The following SNTG2 variants were observed in gnomAD, a reference collection of about 807,000 sequenced individuals.
SNTG2 encodes the protein gamma-2-syntrophin.
A neutral mutation model predicts 70.9 loss-of-function variants in SNTG2; 74 were observed. That is an observed-to-expected ratio of 1.04 (90% CI 0.86 to 1.27). The LOEUF is 1.27. Among genes scored for constraint, SNTG2 ranks in the 50% most tolerant of loss-of-function variants. The probability of loss-of-function intolerance (pLI) is 0.00; values close to 1 mark genes in which losing one functional copy is unlikely to be tolerated. For synonymous variants in SNTG2, 278 were observed against 273.8 expected, an observed-to-expected ratio of 1.02 and a Z score of -0.15; for missense variants, 717 against 690.7, an observed-to-expected ratio of 1.04 and a Z score of -0.43.
intron 6 of SNTG2, among the ~76,000 whole-genome samples, chr2:1,138,144 A>G (rs1160625347): frequency 6.6e-6 from 1 of 152,246 alleles, no homozygotes; most frequent in Non-Finnish European, 1.5e-5. Context: ...TGCTGAGCAC[A>G]GGAGGTGTCA....
chr2:1,148,590 G>A (rs1373912247), intron 6 of SNTG2, among the ~76,000 whole-genome samples: 2 of 152,176 alleles, frequency 1.3e-5, no homozygotes, highest in African/African-American at 2.4e-5. Flanking sequence ...GTGTTACTGT[G>A]TTACCTGACA....
intron 8 of SNTG2, among the ~76,000 whole-genome samples, chr2:1,175,674 G>T (rs1375521085): frequency 1.3e-5 from 2 of 152,086 alleles, no homozygotes; most frequent in Admixed American, 6.6e-5. Context: ...CCATTTGTCT[G>T]CAACACCCTG....
chr2:1,207,436 A>T (rs4436995), intron 8 of SNTG2, among the ~76,000 whole-genome samples: 49,281 of 152,076 alleles, frequency 0.32, 8,535 homozygotes, highest in East Asian at 0.66. Context: ...TTCTGCCTTC[A>T]GACACATCTG....
intron 4 of SNTG2, among the ~76,000 whole-genome samples, chr2:1,131,851 T>C (rs1022701360): frequency 7.9e-5 from 12 of 151,728 alleles, no homozygotes; most frequent in Non-Finnish European, 8.8e-5. Context: ...GGGATTTCAC[T>C]GTGTTAGCCA....
intron 12 of SNTG2, among the ~76,000 whole-genome samples, chr2:1,258,086 A>G (rs573308758): frequency 5.9e-4 from 90 of 152,332 alleles, no homozygotes; most frequent in African/African-American, 2.1e-3. Context: ...GACATTAGGC[A>G]GTAGCATAAA....
rs1186128259 is a variant in SNTG2 at position 1,307,813 on chromosome 2, A to G, written c.1285-681A>G. Among the ~76,000 whole-genome samples, 7 of 152,382 alleles carry G rather than the reference A, an allele frequency of 4.6e-5. No homozygotes were observed. In the East Asian group the frequency reaches 1.4e-3, roughly 29 times the overall value. ...TCACGGGCTCCGCAGCCTGAAGCCCAGAGACCTTCCGGGCAGAGCCCAGGA... is the reference window on the plus strand; with the variant it reads ...TCACGGGCTCCGCAGCCTGAAGCCCGGAGACCTTCCGGGCAGAGCCCAGGA... On this transcript the variant is annotated intron_variant, in intron 14 of 16. Coordinates refer to ENST00000308624, the MANE Select transcript of SNTG2 (RefSeq NM_018968.4).
intron 14 of SNTG2, among the ~76,000 whole-genome samples, chr2:1,295,005 C>T (rs958576018): frequency 2.6e-5 from 4 of 152,346 alleles, no homozygotes; most frequent in Non-Finnish European, 4.4e-5. Context: ...CAGGCTGTCT[C>T]GTTCACTCCC....
intron 2 of SNTG2, among the ~76,000 whole-genome samples, chr2:1,088,976 G>A (rs561337638): frequency 2.0e-5 from 3 of 152,314 alleles, no homozygotes; most frequent in Admixed American, 6.5e-5. Flanking sequence ...ACAAAGTGCT[G>A]GGAAAAGTGC....
chr2:1,049,722 G>A (rs35803570), intron 1 of SNTG2, among the ~76,000 whole-genome samples: 14,579 of 152,218 alleles, frequency 0.096, 774 homozygotes, highest in East Asian at 0.17. Context: ...CTGCCACACT[G>A]TCTTCCAACA....
chr2:1,085,266 T>A (rs1664610187), intron 2 of SNTG2, among the ~76,000 whole-genome samples: 1 of 152,088 alleles, frequency 6.6e-6, no homozygotes, highest in Non-Finnish European at 1.5e-5. Context: ...CTATAGAAAA[T>A]CTCAAAGTAA....
At chr2:1,158,375 A>G (rs548293612) in intron 6 of SNTG2, 1 of 152,354 alleles carries the variant, frequency 6.6e-6, no homozygotes, top group Non-Finnish European at 1.5e-5. Flanking sequence ...AGGATGAATT[A>G]GTGGGATGTG....
At chr2:962,051 T>G (rs1189405266) in intron 1 of SNTG2, among the ~76,000 whole-genome samples, 1 of 152,264 alleles carries the variant, frequency 6.6e-6, no homozygotes, top group African/African-American at 2.4e-5. Flanking sequence ...GGTTCTTCAG[T>G]GAAATGTGGA....
intron 1 of SNTG2, among the ~76,000 whole-genome samples, chr2:1,017,399 G>T (rs927866121): frequency 1.3e-5 from 2 of 152,116 alleles, no homozygotes; most frequent in African/African-American, 2.4e-5. Flanking sequence ...ACACATGCAG[G>T]CATGCAGACA....
chr2:961,654 C>T (rs1660355192), intron 1 of SNTG2, among the ~76,000 whole-genome samples: 1 of 152,120 alleles, frequency 6.6e-6, no homozygotes, highest in Admixed American at 6.5e-5. Flanking sequence ...TTCCTGGGAT[C>T]TCTTATGTCA....
At chr2:1,057,264 A>C (rs920579369) in intron 1 of SNTG2, among the ~76,000 whole-genome samples, 1 of 152,052 alleles carries the variant, frequency 6.6e-6, no homozygotes, top group Non-Finnish European at 1.5e-5. Flanking sequence ...CTTCATTTTT[A>C]TCTCTATTCT....
intron 16 of SNTG2, among the ~76,000 whole-genome samples, chr2:1,338,965 G>A (rs932156057): frequency 6.6e-6 from 1 of 152,140 alleles, no homozygotes; most frequent in Admixed American, 6.5e-5. Flanking sequence ...GCCTATACTT[G>A]TTTACATTCC....
chr2:1,349,643 G>C (rs903878725), intron 16 of SNTG2, among the ~76,000 whole-genome samples: 1 of 152,244 alleles, frequency 6.6e-6, no homozygotes, highest in Admixed American at 6.5e-5. Context: ...GCAAGGTGGG[G>C]TCACTTATGC....
At position 951,017 on chromosome 2, in the gene SNTG2, GC is replaced by G. The variant is rs1340065510; in HGVS notation, c.26del (p.Pro9ArgfsTer37). 6 of 1,261,716 alleles carry G rather than the reference GC, an allele frequency of 4.8e-6. No homozygotes were observed. Among genetic ancestry groups the G allele is most frequent in the South Asian group, 3.2e-5 (1 of 31,436 alleles). The allele number at this position is 1,261,716 out of a possible 1,614,324, so 78.2% of individuals were successfully genotyped here. MGTEGPP[P>X]PAASRGRQGC... ...CGGCGATGGGCACCGAGGGACCCCCGCCCCCGGCCGCCTCCCGCGGACGCCA... is the reference window on the plus strand; with the variant it reads ...CGGCGATGGGCACCGAGGGACCCCCGCCCCGGCCGCCTCCCGCGGACGCCA... On this transcript the variant is annotated frameshift_variant, in exon 1 of 17. Transcript: ENST00000308624. LOFTEE classifies it high-confidence loss of function.
intron 10 of SNTG2, 138 bp from the exon 11 acceptor site, chr2:1,239,600 G>A: frequency 2.5e-6 from 2 of 804,756 alleles, no homozygotes; most frequent in Non-Finnish European, 4.0e-6. Context: ...CTCTGGCTAG[G>A]TCTTCAGATA....
Sources: gnomAD v4.1 joint callset for allele counts (sites outside exome capture counted in the v4.1 genomes callset) on GRCh38, gnomAD v4.1.1 for gene constraint, MANE v1.5 for transcripts, NCBI Gene and HGNC (gene_info 2026-07-23, HGNC 2026-07-21) for gene names.